The following IGSF9 variants were observed in gnomAD, a reference collection of about 807,000 sequenced individuals.
The protein encoded by IGSF9 is immunoglobulin superfamily member 9.
A neutral mutation model predicts 121.7 loss-of-function variants in IGSF9; 87 were observed. The ratio of observed to expected loss-of-function variants is 0.71; its 90% CI spans 0.60 to 0.85. IGSF9 has a LOEUF of 0.85. Ranked by LOEUF, IGSF9 falls within the 40% of genes least tolerant of loss-of-function variation. IGSF9 has a pLI of 0.00. For synonymous variants in IGSF9, 640 were observed against 648.4 expected (o/e 0.99, Z 0.20); for missense variants, 1,462 against 1,565.3 (o/e 0.93, Z 1.11).
In IGSF9 at chr1:159,931,144, GT is replaced by G; in HGVS notation, c.1630del (p.Thr544ProfsTer27). ...GYLQRFSVWY[T>X]PLAKRPDRMH... is the part of the protein sequence containing the mutation. ...GCAGGAGCAGGTCACTCACAGTGGG[GT>G]GTACCAGACACTGAATCTCTGCAGA... is the stretch of plus-strand genomic sequence containing the variant. On this transcript the variant is annotated frameshift_variant, in exon 13 of 21. Transcript: ENST00000368094. LOFTEE classifies it high-confidence loss of function. The surrounding 1 kb of genome is among the most constrained non-coding windows in gnomAD (Gnocchi z 4.8). 6.2e-7 allele frequency: 1 copy of G among 1,614,104 alleles called. No homozygotes were observed. Among genetic ancestry groups the G allele is most frequent in the Non-Finnish European group, 8.5e-7 (1 of 1,179,980 alleles).
chr1:159,927,304 G>T lies in IGSF9; in HGVS notation c.*41C>A, dbSNP rs1650769695. The stretch of plus-strand genomic sequence containing the variant: ...GTCTGTCTGGTTGGGGGCCTCCTTT[G>T]CAGGTCCATATGCCTTTTCACAGCC... On this transcript the variant is annotated 3_prime_UTR_variant, in exon 21 of 21. Coordinates refer to ENST00000368094, the MANE Select transcript of IGSF9 (RefSeq NM_001135050.2). 2 of 1,609,886 alleles carry T rather than the reference G, an allele frequency of 1.2e-6. No individual in the cohort carries two copies. The highest frequency in any genetic ancestry group is 4.5e-5 in the East Asian group (2 of 44,864).
Position 159,931,080 on chromosome 1 carries a change from G to T in IGSF9, c.1637+58C>A. 6.2e-7 allele frequency: 1 copy of T among 1,611,942 alleles called. No homozygotes were observed. ...AGGGCAGAAGGCCAGATAGGTTCAA[G>T]GAGGAGAGGAAAGGAGGCAAGATTG... On this transcript the variant is annotated intron_variant, in intron 13 of 20. Transcript: ENST00000368094. The surrounding 1 kb of genome is among the most constrained non-coding windows in gnomAD (Gnocchi z 4.8).
Position 159,929,389 on chromosome 1 carries a change from T to C in IGSF9, c.2331A>G (p.Pro777=). The change falls in exon 18 of 21, where the codon CCA becomes CCG. Residue 777 remains proline (P), a synonymous_variant. Transcript: ENST00000368094. ...RRRRKRLRQD[P]PLIFSPTGKS... ...TCCCGGTCGGAGAGAAGATAAGAGGTGGATCTGGAAGGGCATGAGAATAGT... is the reference window on the plus strand; with the variant it reads ...TCCCGGTCGGAGAGAAGATAAGAGGCGGATCTGGAAGGGCATGAGAATAGT... 1 of 1,613,626 alleles carries C rather than the reference T, an allele frequency of 6.2e-7. No individual in the cohort carries two copies. The highest frequency in any genetic ancestry group is 8.5e-7 in the Non-Finnish European group (1 of 1,179,868).
In IGSF9 at chr1:159,928,339, G is replaced by A; in HGVS notation, c.3049C>T (p.Pro1017Ser). 6.2e-7 allele frequency: 1 copy of A among 1,609,738 alleles called. No homozygotes were observed. The highest frequency in any genetic ancestry group is 8.5e-7 in the Non-Finnish European group (1 of 1,178,154). ...CTCTGGCTGGTGAGGCTGCCTCGAGGGGCAGCAGGGAGAAGGCCTGGCAGC... is the reference window on the plus strand; with the variant it reads ...CTCTGGCTGGTGAGGCTGCCTCGAGAGGCAGCAGGGAGAAGGCCTGGCAGC... ...RLLPGLLPAA[P>S]RGSLTSQSSG... The change falls in exon 19 of 21, where the codon CCT (proline) becomes TCT (serine). Residue 1017 changes from proline (P) to serine (S), a missense_variant. Physicochemically the swap from Pro to Ser is moderately conservative, Grantham distance 74. This residue lies in a region of IGSF9 where 808 missense variants were observed against 815.2 expected (regional missense o/e 0.99). Coordinates refer to ENST00000368094, the MANE Select transcript of IGSF9 (RefSeq NM_001135050.2).
At position 159,934,593 on chromosome 1, in the gene IGSF9, A is replaced by C. The variant is rs1651121702; in HGVS notation, c.816-23T>G. 1.4e-5 allele frequency: 22 copies of C among 1,613,230 alleles called. 1 individual carries two copies. Among genetic ancestry groups the C allele is most frequent in the South Asian group, 4.4e-5 (4 of 91,046 alleles). On this transcript the variant is annotated intron_variant, in intron 7 of 20. Coordinates refer to ENST00000368094, the MANE Select transcript of IGSF9 (RefSeq NM_001135050.2). ...CGGCTGCAATGTGGCATGTGTGAGGAGGGGTCCAGGCCTTGCCCAGCCAAG... is the reference window on the plus strand; with the variant it reads ...CGGCTGCAATGTGGCATGTGTGAGGCGGGGTCCAGGCCTTGCCCAGCCAAG...
chr1:159,936,353 C>T, intron 6 of IGSF9, 46 bp downstream of exon 6: 3 of 1,524,238 alleles, frequency 2.0e-6, no homozygotes, highest in Non-Finnish European at 1.8e-6. Context: ...GTCACAGCCC[C>T]CTTGCATAGG....
chr1:159,939,183 A>G (rs921428773), intron 3 of IGSF9, among the ~76,000 whole-genome samples: 2 of 151,946 alleles, frequency 1.3e-5, no homozygotes, highest in African/African-American at 4.8e-5. Context: ...CCTCCCCTCT[A>G]CATCACATTG....
intron 13 of IGSF9, 39 bp from the exon 14 acceptor site, chr1:159,930,906 AG>A: frequency 6.5e-7 from 1 of 1,546,678 alleles, no homozygotes. Context: ...CTCGTGAGCT[AG>A]GAAGACCAGA....
chr1:159,945,162 C>T (rs546630204), intron 1 of IGSF9, among the ~76,000 whole-genome samples: 1 of 152,008 alleles, frequency 6.6e-6, no homozygotes, highest in African/African-American at 2.4e-5. Context: ...CAGCAGGTCT[C>T]CTGCACTATA....
chr1:159,941,827 G>T (rs1287625296), intron 3 of IGSF9, among the ~76,000 whole-genome samples: 1 of 152,242 alleles, frequency 6.6e-6, no homozygotes, highest in Non-Finnish European at 1.5e-5. Context: ...GCTAATTGGG[G>T]CCCGCTTTCA....
Position 159,936,837 on chromosome 1 carries a change from A to C in IGSF9, c.472T>G (p.Cys158Gly). The C allele has an allele frequency of 6.2e-7, 1 of 1,614,184 alleles. No homozygotes were observed. The highest frequency in any genetic ancestry group is 8.5e-7 in the Non-Finnish European group (1 of 1,180,014). ...GGCAGGGGGCTGCCACGGGCCACAC[A>C]ACGCAGGGTCACAGGCTCCAGTTCC... ...VQELEPVTLR[C>G]VARGSPLPHV... The change falls in exon 5 of 21, where the codon TGT becomes GGT. Residue 158 changes from cysteine to glycine, a missense_variant. Cys to Gly is a radical substitution (Grantham distance 159). Around this residue, in one of 3 missense-constraint regions of IGSF9, gnomAD observed 558 missense variants for 599.4 expected, o/e 0.93. Transcript: ENST00000368094.
chr1:159,928,517 A>G lies in IGSF9; in HGVS notation c.2871T>C (p.Asp957=). 2.6e-6 allele frequency: 4 copies of G among 1,564,890 alleles called. No homozygotes were observed. The highest frequency in any genetic ancestry group is 3.5e-6 in the Non-Finnish European group (4 of 1,153,096). Residue 957 remains aspartate, a synonymous_variant, in exon 19 of 21, where the codon GAT becomes GAC. Coordinates refer to ENST00000368094, the MANE Select transcript of IGSF9 (RefSeq NM_001135050.2). ...AAGATGAGGTGGGACAGCGCCGGGTATCCATGTAATCTGGGGGTGCAGCAG... is the reference window on the plus strand; with the variant it reads ...AAGATGAGGTGGGACAGCGCCGGGTGTCCATGTAATCTGGGGGTGCAGCAG... ...PSPAAPPDYM[D]TRRCPTSSFL...
chr1:159,944,763 A>G (rs1002289880), intron 1 of IGSF9, among the ~76,000 whole-genome samples: 1 of 152,090 alleles, frequency 6.6e-6, no homozygotes, highest in Non-Finnish European at 1.5e-5. Flanking sequence ...TTCAGGACAG[A>G]CTATAAAACA....
Position 159,934,339 on chromosome 1 carries a change from G to T in IGSF9, c.962-7C>A, listed in dbSNP as rs546184038. 1 of 1,583,998 alleles carries T rather than the reference G, an allele frequency of 6.3e-7. No individual in the cohort carries two copies. The highest frequency in any genetic ancestry group is 1.1e-5 in the South Asian group (1 of 87,594). On this transcript the variant is annotated splice_polypyrimidine_tract_variant and splice_region_variant and intron_variant, in intron 8 of 20. Coordinates refer to ENST00000368094, the MANE Select transcript of IGSF9 (RefSeq NM_001135050.2). ...GCTGTCACCTGGGCTGGGTCTGGGG[G>T]AAAGTAGTGGCAAGTTGGGGGAGAG...
intron 9 of IGSF9, chr1:159,933,983 A>C (rs1407869847): frequency 1.7e-6 from 1 of 597,442 alleles, no homozygotes; most frequent in Non-Finnish European, 2.9e-6. Flanking sequence ...CAAAGAAGAC[A>C]CAAAACCACC....
In IGSF9 at chr1:159,929,793, C is replaced by T. The variant is rs1276624798; in HGVS notation, c.2171G>A (p.Arg724His). Residue 724 changes from arginine to histidine, a missense_variant, in exon 17 of 21, where the codon CGC becomes CAC. Arg to His is a conservative substitution (Grantham distance 29). Coordinates refer to ENST00000368094, the MANE Select transcript of IGSF9 (RefSeq NM_001135050.2). ...STSGLEVYPS[R>H]TQLPGLLPQP... The stretch of plus-strand genomic sequence containing the variant: ...AGGCAGGAGGCCCGGCAGCTGCGTG[C>T]GCGAAGGGTAGACCTCCAGACCTAG... The T allele has an allele frequency of 6.2e-7, 1 of 1,605,438 alleles. No homozygotes were observed. Among genetic ancestry groups the T allele is most frequent in the Non-Finnish European group, 8.5e-7 (1 of 1,176,880 alleles).
In IGSF9 at chr1:159,934,534, C is replaced by T. The variant is rs763856693; in HGVS notation, c.852G>A (p.Gly284=). 8 of 1,613,720 alleles carry T rather than the reference C, an allele frequency of 5.0e-6. No homozygotes were observed. The Admixed American group carries it at 1.2e-4, about 24-fold the overall frequency. ...GCTGGGTGGCCAGCAGCCGCAGGCT[C>T]CCGTCCACCAGGATCCGCACCCGGG... ...LQPRVRILVD[G]SLRLLATQPD... Residue 284 remains glycine (G), a synonymous_variant, in exon 8 of 21, where the codon GGG becomes GGA. Coordinates refer to ENST00000368094, the MANE Select transcript of IGSF9 (RefSeq NM_001135050.2).
At chr1:159,934,073 A>C in intron 9 of IGSF9, 117 bp downstream of exon 9, 1 of 1,214,178 alleles carries the variant, frequency 8.2e-7, no homozygotes, top group Non-Finnish European at 1.2e-6. Context: ...AATTAAATTC[A>C]CAAAAGATGT....
chr1:159,930,114 A>G, intron 15 of IGSF9, 75 bp downstream of exon 15: 1 of 1,552,112 alleles, frequency 6.4e-7, no homozygotes. Context: ...AGATGAGAAG[A>G]TAGAGTTTGG....
Sources: gnomAD v4.1 joint callset for allele counts (sites outside exome capture counted in the v4.1 genomes callset) on GRCh38, gnomAD v4.1.1 for gene constraint, gnomAD v4.1.1 regional missense constraint, Gnocchi (gnomAD v3.1) non-coding constraint, MANE v1.5 for transcripts, NCBI Gene and HGNC (gene_info 2026-07-23, HGNC 2026-07-21) for gene names.